Variants in KCNH1 observed in about 807,000 individuals in gnomAD.
The protein encoded by KCNH1 is voltage-gated delayed rectifier potassium channel KCNH1.
In KCNH1, 27 loss-of-function variants were observed where a neutral mutation model predicts 69.2. The observed-to-expected ratio is 0.39, with a 90% confidence interval of 0.29 to 0.54. The LOEUF (loss-of-function observed/expected upper bound fraction) is 0.54, where lower values mean the gene tolerates loss of function less well. Ranked by LOEUF, KCNH1 falls within the 20% of genes least tolerant of loss-of-function variation. The probability of loss-of-function intolerance (pLI) is 0.68; values close to 1 mark genes in which losing one functional copy is unlikely to be tolerated. For missense variants in KCNH1, 798 were observed against 1,261.6 expected (o/e 0.63, Z 5.57); for synonymous variants, 456 against 487.7 (o/e 0.93, Z 0.86).
In KCNH1 at chr1:211,134,012, T is replaced by G; in HGVS notation, c.-67A>C. On this transcript the variant is annotated 5_prime_UTR_variant, in exon 1 of 11. Coordinates refer to ENST00000271751, the MANE Select transcript of KCNH1 (RefSeq NM_172362.3). The surrounding 1 kb of genome is among the most constrained non-coding windows in gnomAD (Gnocchi z 5.7). Reference sequence around the variant, plus strand: ...TTCTTACGACAGCAGGAAACTGGCCTCGGGGCCCGCACGCAGTCCCGGCTC... The same window carrying G: ...TTCTTACGACAGCAGGAAACTGGCCGCGGGGCCCGCACGCAGTCCCGGCTC... 1.4e-6 allele frequency: 2 copies of G among 1,414,174 alleles called. No homozygotes were observed. Among genetic ancestry groups the G allele is most frequent in the Non-Finnish European group, 2.0e-6 (2 of 1,007,158 alleles). The allele number at this position is 1,414,174 out of a possible 1,614,324, so 87.6% of individuals were successfully genotyped here.
intron 6 of KCNH1, among the ~76,000 whole-genome samples, chr1:211,014,461 A>G (rs139979744): frequency 3.0e-4 from 45 of 152,362 alleles, no homozygotes; most frequent in African/African-American, 1.0e-3. Context: ...GCCCATCTAC[A>G]TAAGTGAAAC....
At chr1:211,130,881 T>A (rs569099352) in intron 1 of KCNH1, among the ~76,000 whole-genome samples, 47 of 152,304 alleles carry the variant, frequency 3.1e-4, no homozygotes, top group Middle Eastern at 3.4e-3. Context: ...TTCCTTGAAA[T>A]ATAATTAGCC....
chr1:210,718,624 G>GTA lies in KCNH1; in HGVS notation c.2113-34488_2113-34487dup, dbSNP rs1553337829. 2.1e-4 allele frequency among the ~76,000 whole-genome samples: 26 copies of GTA among 120,954 alleles called. 4 individuals carry two copies. The highest frequency in any genetic ancestry group is 8.2e-4 in the African/African-American group (25 of 30,364). 79.4% of individuals were successfully genotyped at this position (120,954 alleles called of 152,430 possible). On this transcript the variant is annotated intron_variant, in intron 10 of 10. Transcript: ENST00000271751. ...TATAAATAAAATTATATGTATGTGTGTATAAATATATATATACATATATAT... is the reference window on the plus strand; with the variant it reads ...TATAAATAAAATTATATGTATGTGTGTATATAAATATATATATACATATATAT...
At chr1:210,691,754 T>A (rs965454071) in intron 10 of KCNH1, among the ~76,000 whole-genome samples, 1 of 152,220 alleles carries the variant, frequency 6.6e-6, no homozygotes, top group Non-Finnish European at 1.5e-5. Context: ...CCTCTCTAGA[T>A]GCATTCGGCT....
At chr1:210,955,340 C>T (rs1688150364) in intron 6 of KCNH1, among the ~76,000 whole-genome samples, 1 of 152,174 alleles carries the variant, frequency 6.6e-6, no homozygotes, top group Admixed American at 6.5e-5. Flanking sequence ...TAGCGTGATG[C>T]CTCCAGCTTT....
chr1:211,047,682 T>A (rs1377427176), intron 5 of KCNH1, among the ~76,000 whole-genome samples: 5 of 152,198 alleles, frequency 3.3e-5, no homozygotes, highest in South Asian at 2.1e-4. Flanking sequence ...TGAGTGTGTG[T>A]GTGTGTACAT....
intron 7 of KCNH1, chr1:210,860,314 G>C: frequency 7.4e-7 from 1 of 1,346,316 alleles, no homozygotes; most frequent in Non-Finnish European, 1.1e-6. Context: ...ATGCGCTAAA[G>C]AGATGTCCTC....
chr1:210,828,279 T>C (rs1685075663), intron 7 of KCNH1, among the ~76,000 whole-genome samples: 1 of 152,186 alleles, frequency 6.6e-6, no homozygotes, highest in Non-Finnish European at 1.5e-5. Context: ...TCAAGGGTCC[T>C]TTACTAAGCT....
chr1:210,945,310 T>C (rs540108582), intron 6 of KCNH1, among the ~76,000 whole-genome samples: 10 of 152,378 alleles, frequency 6.6e-5, no homozygotes, highest in African/African-American at 2.4e-4. Context: ...GTATACTATG[T>C]GCCAGGCACT....
At chr1:211,104,126 A>C (rs534837940) in intron 2 of KCNH1, among the ~76,000 whole-genome samples, 125 of 152,360 alleles carry the variant, frequency 8.2e-4, no homozygotes, top group African/African-American at 2.9e-3. Context: ...AAATATAGAC[A>C]ATGAGAGGGA....
At chr1:210,903,789 C>A (rs539995721) in intron 7 of KCNH1, among the ~76,000 whole-genome samples, 1 of 152,332 alleles carries the variant, frequency 6.6e-6, no homozygotes, top group Non-Finnish European at 1.5e-5. Context: ...TACCAACTCT[C>A]TGCCTCTCAG....
At chr1:210,984,297 C>A (rs1337434351) in intron 6 of KCNH1, among the ~76,000 whole-genome samples, 1 of 152,188 alleles carries the variant, frequency 6.6e-6, no homozygotes, top group South Asian at 2.1e-4. Flanking sequence ...CTGGCCAGAA[C>A]TTCCAACACT....
At position 210,907,949 on chromosome 1, in the gene KCNH1, C is replaced by G. The variant is rs115004894; in HGVS notation, c.1462+11691G>C. On this transcript the variant is annotated intron_variant, in intron 7 of 10. Coordinates refer to ENST00000271751, the MANE Select transcript of KCNH1 (RefSeq NM_172362.3). ...AAAAGAAACTGTTTTGTACCTGCTA[C>G]TGTGACTCTTTTCCATGTCTGTTTC... 4.5e-3 allele frequency among the ~76,000 whole-genome samples: 693 copies of G among 152,346 alleles called. 4 individuals are homozygous for G. The highest frequency in any genetic ancestry group is 7.6e-3 in the Non-Finnish European group (515 of 68,038).
chr1:210,738,366 C>G (rs993560962), intron 10 of KCNH1, among the ~76,000 whole-genome samples: 1 of 152,140 alleles, frequency 6.6e-6, no homozygotes, highest in Admixed American at 6.5e-5. Context: ...CAGAAACTCT[C>G]ATTGCATGTT....
At chr1:210,785,274 CA>C in intron 9 of KCNH1, among the ~76,000 whole-genome samples, 1 of 152,096 alleles carries the variant, frequency 6.6e-6, no homozygotes, top group East Asian at 1.9e-4. Flanking sequence ...ACAATTTTTC[CA>C]AAAAGCAGGA....
At chr1:210,746,028 G>C (rs73067497) in intron 10 of KCNH1, among the ~76,000 whole-genome samples, 11,375 of 152,168 alleles carry the variant, frequency 0.075, 484 homozygotes, top group African/African-American at 0.12. Context: ...CACACACACA[G>C]AGAGAGGCTG....
intron 7 of KCNH1, among the ~76,000 whole-genome samples, chr1:210,891,179 G>A (rs1686741411): frequency 6.6e-6 from 1 of 152,128 alleles, no homozygotes; most frequent in Non-Finnish European, 1.5e-5. Context: ...AGAAAATGTG[G>A]CACATATACA....
At chr1:211,026,655 A>G (rs2102419438) in intron 5 of KCNH1, among the ~76,000 whole-genome samples, 1 of 152,280 alleles carries the variant, frequency 6.6e-6, no homozygotes, top group East Asian at 1.9e-4. Context: ...AAGGCCCAGT[A>G]AGGAGCATGG....
In KCNH1 at chr1:210,984,122, T is replaced by G. The variant is rs186518824; in HGVS notation, c.1032+34661A>C. Among the ~76,000 whole-genome samples the G allele has an allele frequency of 1.8e-3, 277 of 152,324 alleles. 2 individuals are homozygous for G. Among genetic ancestry groups the G allele is most frequent in the Non-Finnish European group, 3.1e-3 (210 of 68,044 alleles). On this transcript the variant is annotated intron_variant, in intron 6 of 10. Transcript: ENST00000271751. ...GCTTGTGATTTTTGCACATTGATTTTGTATCCTGAGACTGCTGAAGTTGTC... is the reference window on the plus strand; with the variant it reads ...GCTTGTGATTTTTGCACATTGATTTGGTATCCTGAGACTGCTGAAGTTGTC...
Sources: gnomAD v4.1 joint callset for allele counts (sites outside exome capture counted in the v4.1 genomes callset) on GRCh38, gnomAD v4.1.1 for gene constraint, Gnocchi (gnomAD v3.1) non-coding constraint, MANE v1.5 for transcripts, NCBI Gene and HGNC (gene_info 2026-07-23, HGNC 2026-07-21) for gene names.